The following REEP1 variants were observed in gnomAD, a reference collection of about 807,000 sequenced individuals.
REEP1 encodes receptor expression-enhancing protein 1.
A neutral mutation model predicts 40.3 loss-of-function variants in REEP1; 22 were observed. The ratio of observed to expected loss-of-function variants is 0.55; its 90% CI spans 0.39 to 0.78. REEP1 has a LOEUF of 0.78. Ranked by LOEUF, REEP1 falls within the 30% of genes least tolerant of loss-of-function variation. REEP1 has a pLI of 0.00. For missense variants in REEP1, 280 were observed against 361.1 expected (o/e 0.78, Z 1.82); for synonymous variants, 116 against 139.2 (o/e 0.83, Z 1.17).
At chr2:86,263,144 T>G (rs1004375438) in intron 3 of REEP1, among the ~76,000 whole-genome samples, 2 of 152,202 alleles carry the variant, frequency 1.3e-5, no homozygotes, top group African/African-American at 4.8e-5. Flanking sequence ...AAGTGAGAAC[T>G]CTCATGTATA....
intron 1 of REEP1, among the ~76,000 whole-genome samples, chr2:86,318,323 CA>C (rs1173581081): frequency 6.6e-6 from 1 of 151,430 alleles, no homozygotes; most frequent in African/African-American, 2.4e-5. Context: ...AAAAGACTTA[CA>C]AAAATGTACA....
intron 1 of REEP1, among the ~76,000 whole-genome samples, chr2:86,288,983 G>A (rs1168258123): frequency 6.6e-6 from 1 of 152,086 alleles, no homozygotes; most frequent in East Asian, 1.9e-4. Flanking sequence ...TGAATTTTGG[G>A]TATAAATCCT....
intron 1 of REEP1, among the ~76,000 whole-genome samples, chr2:86,316,548 C>CAAAAAAA (rs58561932): frequency 1.6e-4 from 11 of 70,428 alleles, no homozygotes; most frequent in East Asian, 4.3e-4. Context: ...AACTCTGTCT[C>CAAAAAAA]AAAAAAAAAA....
chr2:86,336,142 C>T (rs115439387), intron 1 of REEP1, among the ~76,000 whole-genome samples: 4,697 of 152,240 alleles, frequency 0.031, 120 homozygotes, highest in East Asian at 0.065. Context: ...GGCGTGTCAG[C>T]CACTTTCCTG....
chr2:86,240,613 G>T (rs187698058), intron 5 of REEP1, among the ~76,000 whole-genome samples: 2 of 152,232 alleles, frequency 1.3e-5, no homozygotes, highest in Non-Finnish European at 2.9e-5. Flanking sequence ...TTTGGTGCCA[G>T]TGAGTAAAAG....
chr2:86,239,282 G>A (rs181939764), intron 5 of REEP1, among the ~76,000 whole-genome samples: 258 of 145,652 alleles, frequency 1.8e-3, no homozygotes, highest in Admixed American at 0.015. Context: ...GAACTAAGAA[G>A]GAGCACATGG....
chr2:86,263,692 A>T (rs1574052392), intron 3 of REEP1, among the ~76,000 whole-genome samples: 1 of 151,956 alleles, frequency 6.6e-6, no homozygotes, highest in African/African-American at 2.4e-5. Context: ...TTCTTTACCA[A>T]CTCCATTAAT....
intron 3 of REEP1, among the ~76,000 whole-genome samples, chr2:86,255,563 G>A (rs1676512271): frequency 1.3e-5 from 2 of 152,118 alleles, no homozygotes; most frequent in South Asian, 2.1e-4. Context: ...AGCTTGTACT[G>A]AGCACCAGGT....
At chr2:86,217,365 G>A (rs1291608039) in intron 8 of REEP1, among the ~76,000 whole-genome samples, 1 of 152,154 alleles carries the variant, frequency 6.6e-6, no homozygotes, top group Non-Finnish European at 1.5e-5. Flanking sequence ...CCAAGGGAAC[G>A]GTTGTGCAGA....
intron 1 of REEP1, among the ~76,000 whole-genome samples, chr2:86,298,467 T>C (rs1679096470): frequency 6.6e-6 from 1 of 152,228 alleles, no homozygotes; most frequent in Non-Finnish European, 1.5e-5. Context: ...GTAACACTGT[T>C]CTATTGCTGG....
At chr2:86,318,499 A>G (rs1013260066) in intron 1 of REEP1, among the ~76,000 whole-genome samples, 4 of 151,490 alleles carry the variant, frequency 2.6e-5, no homozygotes, top group Middle Eastern at 3.4e-3. Context: ...CCCGGGTTCA[A>G]GCAATTCTCT....
chr2:86,266,704 C>A (rs1406302052), intron 2 of REEP1, among the ~76,000 whole-genome samples: 4 of 149,184 alleles, frequency 2.7e-5, no homozygotes, highest in Non-Finnish European at 6.0e-5. Flanking sequence ...CAAAAGCACA[C>A]ACACAAAAAA....
intron 6 of REEP1, among the ~76,000 whole-genome samples, chr2:86,229,424 C>T (rs184263207): frequency 7.3e-4 from 111 of 152,168 alleles, no homozygotes; most frequent in African/African-American, 2.3e-3. Context: ...GCATCTGAGG[C>T]CCACACTGGG....
At chr2:86,297,699 G>A in intron 1 of REEP1, 1 of 985,192 alleles carries the variant, frequency 1.0e-6, no homozygotes, top group Non-Finnish European at 1.2e-6. Context: ...CTGAAGCCAT[G>A]GGGAGGAGCG....
Position 86,237,684 on chromosome 2 carries a change from G to A in REEP1, c.418-4882C>T, listed in dbSNP as rs572339875. 3.9e-5 allele frequency among the ~76,000 whole-genome samples: 6 copies of A among 151,942 alleles called. No individual in the cohort carries two copies. In the South Asian group the frequency reaches 8.3e-4, roughly 21 times the overall value. ...ATCACAGGTGGCCACCACCACGCCC[G>A]GCTAATTTTTGTATTTTTAGTAGAG... On this transcript the variant is annotated intron_variant, in intron 5 of 8. Transcript: ENST00000538924.
chr2:86,253,692 T>G (rs765496295), intron 4 of REEP1, among the ~76,000 whole-genome samples: 2 of 152,208 alleles, frequency 1.3e-5, no homozygotes, highest in African/African-American at 2.4e-5. Context: ...CAGGAAGTGC[T>G]GCGGTCCGAG....
chr2:86,301,211 A>C (rs745475448), intron 1 of REEP1, among the ~76,000 whole-genome samples: 1 of 152,248 alleles, frequency 6.6e-6, no homozygotes, highest in African/African-American at 2.4e-5. Flanking sequence ...AGTGCTTCTC[A>C]GAGCTGATCA....
intron 2 of REEP1, among the ~76,000 whole-genome samples, chr2:86,275,045 C>T (rs908133120): frequency 6.6e-6 from 1 of 152,216 alleles, no homozygotes; most frequent in Non-Finnish European, 1.5e-5. Context: ...TTGGACTCTG[C>T]TCTAACCAGG....
At chr2:86,322,041 T>G (rs1202640144) in intron 1 of REEP1, among the ~76,000 whole-genome samples, 1 of 152,218 alleles carries the variant, frequency 6.6e-6, no homozygotes, top group Admixed American at 6.5e-5. Flanking sequence ...GTAAGCAAGG[T>G]TGTATTCTTC....
Sources: allele counts gnomAD v4.1 joint callset (sites outside exome capture counted in the v4.1 genomes callset), GRCh38; gene constraint gnomAD v4.1.1; transcripts MANE v1.5; gene names NCBI Gene and HGNC (gene_info 2026-07-23, HGNC 2026-07-21).